KIAA1217: variants seen among roughly 807,000 people sequenced by gnomAD.
KIAA1217 encodes KIAA1217.
A neutral mutation model predicts 163.9 loss-of-function variants in KIAA1217; 88 were observed. The ratio of observed to expected loss-of-function variants is 0.54; its 90% CI spans 0.45 to 0.64. The LOEUF (loss-of-function observed/expected upper bound fraction) is 0.64, where lower values mean the gene tolerates loss of function less well. Among genes scored for constraint, KIAA1217 ranks in the 30% least tolerant of loss-of-function variants. The probability of loss-of-function intolerance (pLI) is 0.00; values close to 1 mark genes in which losing one functional copy is unlikely to be tolerated. For missense variants in KIAA1217, 2,372 were observed against 2,475.0 expected, an observed-to-expected ratio of 0.96 and a Z score of 0.88; for synonymous variants, 903 against 923.1, an observed-to-expected ratio of 0.98 and a Z score of 0.39.
In KIAA1217 at chr10:24,047,736, T is replaced by C. The variant is rs1019677090; in HGVS notation, c.-171+40362T>C. Reference sequence around the variant, plus strand: ...GAGATCACCTTTAGATACCTGGAGCTCAACATTGTCCACCTCTATATTAAT... The same window carrying C: ...GAGATCACCTTTAGATACCTGGAGCCCAACATTGTCCACCTCTATATTAAT... On this transcript the variant is annotated intron_variant, in intron 2 of 18. Transcript: ENST00000376462. Among the ~76,000 whole-genome samples the C allele has an allele frequency of 2.0e-5, 3 of 152,310 alleles. No homozygotes were observed. The South Asian group carries it at 6.2e-4, about 32-fold the overall frequency.
rs549936775 is a variant in KIAA1217, at chr10:24,013,321, C to A, written c.-171+5947C>A. 2.6e-5 allele frequency among the ~76,000 whole-genome samples: 4 copies of A among 151,742 alleles called. No individual in the cohort carries two copies. The South Asian group carries it at 8.3e-4, about 32-fold the overall frequency. ...TGGCCATGATTCAATGTTAATAAATCAAAATATATATATTGAATATTTATG... is the reference window on the plus strand; with the variant it reads ...TGGCCATGATTCAATGTTAATAAATAAAAATATATATATTGAATATTTATG... On this transcript the variant is annotated intron_variant, in intron 2 of 18. Transcript: ENST00000376462.
In KIAA1217 at chr10:24,138,004, GA is replaced by G. The variant is rs879310186; in HGVS notation, c.-170-81617del. ...AATAATGTATTTTTAATGTAGATTT[GA>G]AAAATGCAGAAAAATAGAAATTAAG... On this transcript the variant is annotated intron_variant, in intron 2 of 18. Transcript: ENST00000376462. Among the ~76,000 whole-genome samples the G allele has an allele frequency of 3.4e-4, 52 of 152,110 alleles. 1 individual carries two copies. Among genetic ancestry groups the G allele is most frequent in the Middle Eastern group, 6.8e-3 (2 of 294 alleles).
At chr10:24,239,207 C>T in intron 2 of KIAA1217, 2 of 985,220 alleles carry the variant, frequency 2.0e-6, no homozygotes, top group Non-Finnish European at 2.4e-6. Context: ...AAGAAAACAG[C>T]CCAGACATGG....
chr10:24,089,108 T>G lies in KIAA1217; in HGVS notation c.-171+81734T>G, dbSNP rs188905769. Among the ~76,000 whole-genome samples the G allele has an allele frequency of 1.1e-4, 14 of 125,794 alleles. 1 individual carries two copies. The East Asian group carries it at 2.7e-3, about 25-fold the overall frequency. 82.5% of individuals were successfully genotyped at this position (125,794 alleles called of 152,430 possible). On this transcript the variant is annotated intron_variant, in intron 2 of 18. Coordinates refer to the KIAA1217 transcript ENST00000376462. The stretch of plus-strand genomic sequence containing the variant: ...TAAATGTCTTCTTTTGAGAAGTGTC[T>G]GTTCATATCCTTCGCCCAGTTGCTG...
chr10:23,744,323 G>A (rs779481779), intron 1 of KIAA1217, among the ~76,000 whole-genome samples: 7 of 152,110 alleles, frequency 4.6e-5, no homozygotes, highest in East Asian at 1.9e-4. Context: ...CCAAATTGGC[G>A]TTTTTCAGGT....
At chr10:24,023,182 CA>C (rs1847806618) in intron 2 of KIAA1217, among the ~76,000 whole-genome samples, 1 of 151,606 alleles carries the variant, frequency 6.6e-6, no homozygotes, top group African/African-American at 2.4e-5. Flanking sequence ...TTAGAATTGG[CA>C]ATTTAGTAAA....
At chr10:23,763,712 A>G (rs1175068270) in intron 1 of KIAA1217, among the ~76,000 whole-genome samples, 1 of 152,170 alleles carries the variant, frequency 6.6e-6, no homozygotes. Flanking sequence ...GACAAGCCAA[A>G]AGGTTCATAA....
At chr10:23,997,841 C>CA (rs1464874710) in intron 1 of KIAA1217, among the ~76,000 whole-genome samples, 1 of 152,034 alleles carries the variant, frequency 6.6e-6, no homozygotes, top group Non-Finnish European at 1.5e-5. Context: ...AGTGCCAGTT[C>CA]AGTTATATGG....
chr10:24,335,161 C>T (rs184805218), intron 2 of KIAA1217, among the ~76,000 whole-genome samples: 3 of 152,268 alleles, frequency 2.0e-5, no homozygotes, highest in Admixed American at 6.5e-5. Context: ...AGAGGACCAC[C>T]TGTTACATGA....
intron 5 of KIAA1217, among the ~76,000 whole-genome samples, chr10:24,441,531 G>A (rs1379023551): frequency 2.0e-5 from 3 of 152,298 alleles, no homozygotes; most frequent in Admixed American, 6.5e-5. Flanking sequence ...CTCAGAGTGT[G>A]CGTGGAATGC....
chr10:24,422,068 T>C (rs1455803864), intron 3 of KIAA1217, among the ~76,000 whole-genome samples: 1 of 152,162 alleles, frequency 6.6e-6, no homozygotes, highest in African/African-American at 2.4e-5. Context: ...AAGTCACATC[T>C]TACATGGTGG....
At chr10:24,518,826 G>A (rs1204274627) in intron 10 of KIAA1217, among the ~76,000 whole-genome samples, 2 of 152,222 alleles carry the variant, frequency 1.3e-5, no homozygotes, top group Non-Finnish European at 2.9e-5. Flanking sequence ...CGTGGACAAT[G>A]AGCAGATGAG....
At chr10:24,039,567 C>T (rs1335235452) in intron 2 of KIAA1217, among the ~76,000 whole-genome samples, 1 of 152,102 alleles carries the variant, frequency 6.6e-6, no homozygotes, top group African/African-American at 2.4e-5. Context: ...TGTAAGTGTT[C>T]TGGGCAGGTT....
At position 23,699,386 on chromosome 10, in the gene KIAA1217, C is replaced by G. The variant is rs140070215; in HGVS notation, c.-321+4152C>G. On this transcript the variant is annotated intron_variant, in intron 1 of 18. Coordinates refer to the KIAA1217 transcript ENST00000376462. ...TTTTAGAGATGAGGGAACTTGGGCC[C>G]AGAAAACGTTCTGTAGTTTTCATGA... Among the ~76,000 whole-genome samples the G allele has an allele frequency of 6.0e-3, 912 of 152,280 alleles. 9 individuals carry two copies. Among genetic ancestry groups the G allele is most frequent in the African/African-American group, 0.021 (879 of 41,556 alleles).
In KIAA1217 at chr10:24,476,104, T is replaced by G. The variant is rs192293889; in HGVS notation, c.1679+2044T>G. On this transcript the variant is annotated intron_variant, in intron 6 of 20. Transcript: ENST00000376454. ...TGGATGATAAAAACCTGAATTTGCA[T>G]GAAAACAGATTAGTTTAGATGTAAT... Among the ~76,000 whole-genome samples, 183 of 152,288 alleles carry G rather than the reference T, an allele frequency of 1.2e-3. 1 individual carries two copies. Among genetic ancestry groups the G allele is most frequent in the Non-Finnish European group, 6.3e-4 (43 of 68,016 alleles).
chr10:24,417,586 T>G (rs16916248), intron 3 of KIAA1217, among the ~76,000 whole-genome samples: 11,125 of 152,056 alleles, frequency 0.073, 418 homozygotes, highest in Admixed American at 0.081. Flanking sequence ...CGGACTAGAA[T>G]TGCTAGGACA....
intron 2 of KIAA1217, among the ~76,000 whole-genome samples, chr10:24,241,691 T>C (rs2073124465): frequency 6.6e-6 from 1 of 152,186 alleles, no homozygotes; most frequent in Non-Finnish European, 1.5e-5. Context: ...CTTGCCTCTA[T>C]CCCAGACAGA....
chr10:23,878,054 G>T (rs752678578), intron 1 of KIAA1217, among the ~76,000 whole-genome samples: 24 of 151,882 alleles, frequency 1.6e-4, no homozygotes, highest in Non-Finnish European at 2.7e-4. Context: ...CAGTAAAGAG[G>T]CACAAATGCC....
At chr10:24,466,109 G>T (rs555139980) in intron 5 of KIAA1217, among the ~76,000 whole-genome samples, 1 of 152,088 alleles carries the variant, frequency 6.6e-6, no homozygotes, top group Non-Finnish European at 1.5e-5. Flanking sequence ...AGAGGCTTAC[G>T]TTTCCTTCAG....
Sources: gnomAD v4.1 joint callset for allele counts (sites outside exome capture counted in the v4.1 genomes callset) on GRCh38, gnomAD v4.1.1 for gene constraint, MANE v1.5 for transcripts, NCBI Gene and HGNC (gene_info 2026-07-23, HGNC 2026-07-21) for gene names.